ZNF385D: variants seen among roughly 807,000 people sequenced by gnomAD.
ZNF385D encodes the protein zinc finger protein 659.
Under a neutral mutation model 35.8 loss-of-function variants are expected in ZNF385D, and 15 were observed. That is an observed-to-expected ratio of 0.42 (90% CI 0.28 to 0.64). ZNF385D has a LOEUF of 0.64. Ranked by LOEUF, ZNF385D falls within the 30% of genes least tolerant of loss-of-function variation. ZNF385D has a pLI of 0.23. For missense variants in ZNF385D, 474 were observed against 494.6 expected (o/e 0.96, Z 0.39); for synonymous variants, 212 against 186.8 (o/e 1.13, Z -1.10).
intron 3 of ZNF385D, among the ~76,000 whole-genome samples, chr3:21,758,038 T>C (rs1229297943): frequency 1.3e-5 from 2 of 152,206 alleles, no homozygotes; most frequent in African/African-American, 4.8e-5. Flanking sequence ...TTTATTTGTC[T>C]TACAAGTTTT....
At chr3:21,668,405 C>A (rs1256135525) in intron 1 of ZNF385D, among the ~76,000 whole-genome samples, 1 of 152,142 alleles carries the variant, frequency 6.6e-6, no homozygotes, top group African/African-American at 2.4e-5. Context: ...ACATCACAGT[C>A]CAGCTCCTTC....
chr3:22,128,766 T>C (rs896604222), intron 3 of ZNF385D, among the ~76,000 whole-genome samples: 1 of 152,124 alleles, frequency 6.6e-6, no homozygotes, highest in Non-Finnish European at 1.5e-5. Context: ...TCAATGGCTT[T>C]GTTAAATTTA....
intron 2 of ZNF385D, among the ~76,000 whole-genome samples, chr3:21,662,715 C>T: frequency 6.6e-6 from 1 of 152,120 alleles, no homozygotes; most frequent in East Asian, 1.9e-4. Flanking sequence ...ACAGTTGGAG[C>T]AACAGAGGGC....
At chr3:21,777,052 C>T (rs2071316516) in intron 3 of ZNF385D, among the ~76,000 whole-genome samples, 2 of 152,088 alleles carry the variant, frequency 1.3e-5, no homozygotes, top group South Asian at 2.1e-4. Context: ...AGCCTTTTCC[C>T]CACATGGGAC....
intron 3 of ZNF385D, among the ~76,000 whole-genome samples, chr3:21,976,796 T>G (rs1909080): frequency 0.42 from 63,353 of 151,892 alleles, 14,568 homozygotes; most frequent in African/African-American, 0.63. Context: ...TTCGAGAACA[T>G]CCTGGCCAAC....
intron 3 of ZNF385D, among the ~76,000 whole-genome samples, chr3:21,916,330 A>T (rs1220231566): frequency 6.6e-6 from 1 of 152,148 alleles, no homozygotes; most frequent in Non-Finnish European, 1.5e-5. Context: ...TTTACTATTT[A>T]ATTTTGTTCT....
At chr3:21,751,870 C>A (rs2070103961), upstream of ZNF385D, among the ~76,000 whole-genome samples, 1 of 152,058 alleles carries the variant, frequency 6.6e-6, no homozygotes, top group African/African-American at 2.4e-5. Flanking sequence ...CCTTAGTAGG[C>A]AGGTAGAAAG....
chr3:21,474,216 A>G (rs1415460973), intron 4 of ZNF385D, among the ~76,000 whole-genome samples: 1 of 151,976 alleles, frequency 6.6e-6, no homozygotes, highest in Non-Finnish European at 1.5e-5. Flanking sequence ...TGGCTTACGT[A>G]GGGAAACCTA....
At chr3:22,010,569 G>T (rs1696509206) in intron 3 of ZNF385D, among the ~76,000 whole-genome samples, 1 of 152,230 alleles carries the variant, frequency 6.6e-6, no homozygotes, top group East Asian at 1.9e-4. Context: ...ACACAGTTGA[G>T]ATAACTACAT....
intron 3 of ZNF385D, among the ~76,000 whole-genome samples, chr3:22,083,819 G>C (rs922579029): frequency 2.6e-5 from 4 of 152,122 alleles, no homozygotes; most frequent in African/African-American, 9.7e-5. Context: ...AAAATGTTAA[G>C]GGCAGCCAGA....
At position 22,245,435 on chromosome 3, in the gene ZNF385D, G is replaced by C. The variant is rs1186536644; in HGVS notation, c.107-76400C>G. On this transcript the variant is annotated intron_variant, in intron 2 of 5. Transcript: ENST00000494108. ...GTATTTCAAAATATTTAGAGGTAGTGTCATGGACTCAGCTATTATGACTTC... is the reference window on the plus strand; with the variant it reads ...GTATTTCAAAATATTTAGAGGTAGTCTCATGGACTCAGCTATTATGACTTC... Among the ~76,000 whole-genome samples, 4 of 148,130 alleles carry C rather than the reference G, an allele frequency of 2.7e-5. No homozygotes were observed. The East Asian group carries it at 8.0e-4, about 30-fold the overall frequency.
At chr3:22,188,531 G>A (rs1015364632) in intron 2 of ZNF385D, among the ~76,000 whole-genome samples, 2 of 151,790 alleles carry the variant, frequency 1.3e-5, no homozygotes, top group Admixed American at 1.3e-4. Context: ...CTCACTGCAA[G>A]CTCCGCTTCC....
intron 3 of ZNF385D, among the ~76,000 whole-genome samples, chr3:21,867,949 G>A (rs1035871410): frequency 2.6e-5 from 4 of 152,080 alleles, no homozygotes; most frequent in African/African-American, 9.7e-5. Flanking sequence ...CCACATATGG[G>A]TAGTGGCCAC....
chr3:21,498,127 C>T (rs766309741), intron 4 of ZNF385D, among the ~76,000 whole-genome samples: 2 of 152,026 alleles, frequency 1.3e-5, no homozygotes, highest in Non-Finnish European at 2.9e-5. Context: ...AAAGGACTCC[C>T]TATTCAATAA....
intron 3 of ZNF385D, among the ~76,000 whole-genome samples, chr3:21,906,404 G>A (rs1300774869): frequency 6.6e-6 from 1 of 152,100 alleles, no homozygotes; most frequent in African/African-American, 2.4e-5. Flanking sequence ...TTTAAGCTCT[G>A]CTCATTTGAA....
chr3:22,302,080 G>T (rs1874088), intron 2 of ZNF385D, among the ~76,000 whole-genome samples: 102,788 of 151,860 alleles, frequency 0.68, 35,662 homozygotes, highest in African/African-American at 0.83. Flanking sequence ...AATTTCTTGT[G>T]CTTGTCTCCT....
At chr3:22,041,968 G>C (rs1698689737) in intron 3 of ZNF385D, among the ~76,000 whole-genome samples, 1 of 152,136 alleles carries the variant, frequency 6.6e-6, no homozygotes, top group African/African-American at 2.4e-5. Context: ...ATTAAGACCA[G>C]TATAAACTTT....
chr3:21,676,487 G>T (rs74418862), intron 1 of ZNF385D, among the ~76,000 whole-genome samples: 5,603 of 152,032 alleles, frequency 0.037, 121 homozygotes, highest in Non-Finnish European at 0.057. Context: ...ATCCCAAAAA[G>T]GATTTACTTT....
At chr3:21,473,136 C>G (rs978827753) in intron 4 of ZNF385D, among the ~76,000 whole-genome samples, 1 of 152,084 alleles carries the variant, frequency 6.6e-6, no homozygotes, top group African/African-American at 2.4e-5. Context: ...CTAACTCCTA[C>G]TTAATCCCCT....
Sources: allele counts gnomAD v4.1 joint callset (sites outside exome capture counted in the v4.1 genomes callset), GRCh38; gene constraint gnomAD v4.1.1; transcripts MANE v1.5; gene names NCBI Gene and HGNC (gene_info 2026-07-23, HGNC 2026-07-21).